The following PDCD4 variants were observed in gnomAD, a reference collection of about 807,000 sequenced individuals.
The protein encoded by PDCD4 is programmed cell death 4, also known as programmed cell death protein 4.
A neutral mutation model predicts 54.0 loss-of-function variants in PDCD4; 56 were observed. The ratio of observed to expected loss-of-function variants is 1.04; its 90% CI spans 0.84 to 1.30. The LOEUF is 1.30. Among genes scored for constraint, PDCD4 ranks in the 50% most tolerant of loss-of-function variants. PDCD4 has a pLI of 0.00. For missense variants in PDCD4, 584 were observed against 559.8 expected (o/e 1.04, Z -0.44); for synonymous variants, 186 against 194.8 (o/e 0.95, Z 0.37).
intron 1 of PDCD4, among the ~76,000 whole-genome samples, chr10:110,872,983 G>A (rs970725488): frequency 1.3e-5 from 2 of 152,084 alleles, no homozygotes; most frequent in Non-Finnish European, 2.9e-5. Context: ...GCGATTAGGT[G>A]TCGGGGAAAA....
chr10:110,872,679 C>A (rs1483859634), intron 1 of PDCD4, among the ~76,000 whole-genome samples: 2 of 152,208 alleles, frequency 1.3e-5, no homozygotes, highest in African/African-American at 4.8e-5. Flanking sequence ...ACGTGCCCGC[C>A]GCCCCATCCC....
intron 11 of PDCD4, among the ~76,000 whole-genome samples, chr10:110,897,175 GAA>G (rs1845850208): frequency 6.6e-6 from 1 of 152,174 alleles, no homozygotes; most frequent in South Asian, 2.1e-4. Flanking sequence ...TTGGCTTTTT[GAA>G]AGTTTTTCAG....
intron 5 of PDCD4, among the ~76,000 whole-genome samples, chr10:110,885,873 A>G (rs1225795181): frequency 1.3e-5 from 2 of 152,184 alleles, no homozygotes; most frequent in Non-Finnish European, 2.9e-5. Flanking sequence ...CCATGAGAAT[A>G]ATCATGATTT....
intron 2 of PDCD4, among the ~76,000 whole-genome samples, chr10:110,878,673 A>G (rs1207252588): frequency 2.6e-5 from 4 of 152,176 alleles, no homozygotes; most frequent in African/African-American, 9.7e-5. Context: ...TTCTGTAGTT[A>G]TATGGGATTA....
chr10:110,876,957 TCTTTCCTC>T (rs1171311212), intron 2 of PDCD4, among the ~76,000 whole-genome samples: 3 of 152,198 alleles, frequency 2.0e-5, no homozygotes, highest in Admixed American at 6.5e-5. Context: ...ACTACATCTT[TCTTTCCTC>T]AGTGACTTAA....
chr10:110,894,249 A>G, intron 9 of PDCD4, 51 bp downstream of exon 9: 2 of 1,046,672 alleles, frequency 1.9e-6, no homozygotes, highest in East Asian at 4.8e-5. Context: ...TCCTTTTTGT[A>G]CTGTAGCGAC....
At chr10:110,892,649 A>G (rs576781287) in intron 8 of PDCD4, among the ~76,000 whole-genome samples, 1 of 152,292 alleles carries the variant, frequency 6.6e-6, no homozygotes, top group South Asian at 2.1e-4. Context: ...GTGGTCCCAT[A>G]AGGTTATAAC....
At chr10:110,874,798 G>A (rs1288436534) in intron 1 of PDCD4, among the ~76,000 whole-genome samples, 1 of 152,036 alleles carries the variant, frequency 6.6e-6, no homozygotes, top group Admixed American at 6.6e-5. Context: ...TACATAATGA[G>A]GAATTTAAAA....
intron 11 of PDCD4, among the ~76,000 whole-genome samples, chr10:110,897,095 C>T (rs905522223): frequency 6.6e-6 from 1 of 152,118 alleles, no homozygotes; most frequent in Non-Finnish European, 1.5e-5. Context: ...CAGTCTGAAG[C>T]CTTTATGTTC....
At chr10:110,872,846 AC>A (rs926287049) in intron 1 of PDCD4, among the ~76,000 whole-genome samples, 2 of 152,132 alleles carry the variant, frequency 1.3e-5, no homozygotes, top group Non-Finnish European at 2.9e-5. Context: ...GCTGTAACGT[AC>A]ATGGGGTTTT....
Position 110,882,037 on chromosome 10 carries a change from C to T in PDCD4, c.346+502C>T, listed in dbSNP as rs186160046. 1.1e-3 allele frequency among the ~76,000 whole-genome samples: 169 copies of T among 152,118 alleles called. 1 individual carries two copies. The highest frequency in any genetic ancestry group is 1.7e-3 in the Non-Finnish European group (118 of 67,972). ...GTTTCACTGCTGTTTCTCTAGTACC[C>T]GAAATAGTGACTAGTACACTGTAGG... On this transcript the variant is annotated intron_variant, in intron 3 of 11. Transcript: ENST00000280154.
At chr10:110,874,133 A>T (rs1845466059) in intron 1 of PDCD4, among the ~76,000 whole-genome samples, 3 of 152,212 alleles carry the variant, frequency 2.0e-5, no homozygotes, top group Non-Finnish European at 2.9e-5. Context: ...GTCCTTGGAC[A>T]TATCACCTAC....
intron 1 of PDCD4, among the ~76,000 whole-genome samples, 195 bp from the exon 2 acceptor site, chr10:110,875,771 A>C (rs1845494096): frequency 6.6e-6 from 1 of 152,004 alleles, no homozygotes; most frequent in African/African-American, 2.4e-5. Context: ...TGATAAATTT[A>C]TCAAAAAGAT....
chr10:110,882,572 T>C (rs1457179026), intron 3 of PDCD4, among the ~76,000 whole-genome samples: 3 of 152,174 alleles, frequency 2.0e-5, no homozygotes, highest in Non-Finnish European at 4.4e-5. Context: ...TATTTGATGG[T>C]GGTTACTGTC....
intron 5 of PDCD4, among the ~76,000 whole-genome samples, chr10:110,885,725 T>C (rs1414543207): frequency 1.3e-5 from 2 of 151,964 alleles, no homozygotes; most frequent in African/African-American, 4.8e-5. Context: ...TTCAGGGATC[T>C]CAGTTAAGAA....
At chr10:110,888,828 A>G (rs995244881) in intron 6 of PDCD4, among the ~76,000 whole-genome samples, 1 of 152,140 alleles carries the variant, frequency 6.6e-6, no homozygotes, top group African/African-American at 2.4e-5. Context: ...ATAATAAGTA[A>G]TGCTGTGAAC....
At chr10:110,885,427 C>A in intron 5 of PDCD4, 61 bp downstream of exon 5, 1 of 701,074 alleles carries the variant, frequency 1.4e-6, no homozygotes, top group Non-Finnish European at 2.5e-6. Flanking sequence ...CTTTTATAAG[C>A]AAAATACATC....
chr10:110,883,657 TCC>T (rs1189830387), intron 4 of PDCD4, among the ~76,000 whole-genome samples: 1 of 152,194 alleles, frequency 6.6e-6, no homozygotes, highest in Non-Finnish European at 1.5e-5. Flanking sequence ...CCATTTACTC[TCC>T]GTCTTCTATT....
intron 8 of PDCD4, among the ~76,000 whole-genome samples, chr10:110,891,996 A>G (rs2134003735): frequency 6.6e-6 from 1 of 152,328 alleles, no homozygotes; most frequent in East Asian, 1.9e-4. Context: ...CTGAAACCAA[A>G]CTATTAACTA....
Sources: gnomAD v4.1 joint callset for allele counts (sites outside exome capture counted in the v4.1 genomes callset) on GRCh38, gnomAD v4.1.1 for gene constraint, MANE v1.5 for transcripts, NCBI Gene and HGNC (gene_info 2026-07-23, HGNC 2026-07-21) for gene names.